PIWIL2: variants seen among roughly 807,000 people sequenced by gnomAD.
PIWIL2 encodes piwi like RNA-mediated gene silencing 2, also known as piwi-like protein 2.
PIWIL2 carries 81 observed loss-of-function variants against 116.5 expected under a neutral mutation model. That is an observed-to-expected ratio of 0.70 (90% CI 0.58 to 0.84). The LOEUF (loss-of-function observed/expected upper bound fraction) is 0.84, where lower values mean the gene tolerates loss of function less well. Ranked by LOEUF, PIWIL2 falls within the 40% of genes least tolerant of loss-of-function variation. The pLI is 0.00. For missense variants in PIWIL2, 1,272 were observed against 1,212.3 expected (o/e 1.05, Z -0.73); for synonymous variants, 489 against 429.5 (o/e 1.14, Z -1.71).
intron 12 of PIWIL2, among the ~76,000 whole-genome samples, 197 bp from the exon 13 acceptor site, chr8:22,305,730 G>A (rs1831160497): frequency 6.6e-6 from 1 of 151,966 alleles, no homozygotes; most frequent in Admixed American, 6.6e-5. Flanking sequence ...TAATACAACA[G>A]GCTGTATGTA....
intron 10 of PIWIL2, among the ~76,000 whole-genome samples, chr8:22,300,773 G>A (rs1375161866): frequency 6.6e-6 from 1 of 152,078 alleles, no homozygotes; most frequent in Non-Finnish European, 1.5e-5. Flanking sequence ...CTTTTCCTGT[G>A]TGTACTTCCC....
intron 16 of PIWIL2, 58 bp downstream of exon 16, chr8:22,311,358 T>C (rs956259132): frequency 5.2e-6 from 7 of 1,349,514 alleles, no homozygotes; most frequent in Non-Finnish European, 7.3e-6. Flanking sequence ...CTTAAATACT[T>C]AATTTTAATG....
intron 6 of PIWIL2, among the ~76,000 whole-genome samples, chr8:22,287,093 AAAG>A (rs1830645223): frequency 6.6e-6 from 1 of 152,026 alleles, no homozygotes; most frequent in Non-Finnish European, 1.5e-5. Flanking sequence ...TCAAAAAAAA[AAAG>A]GGAGATGGGG....
At chr8:22,333,573 T>G (rs1831911688) in intron 20 of PIWIL2, among the ~76,000 whole-genome samples, 1 of 151,950 alleles carries the variant, frequency 6.6e-6, no homozygotes, top group Non-Finnish European at 1.5e-5. Context: ...TATCACGCCA[T>G]TCAACTCCAG....
rs1406835909 is a variant in PIWIL2, at chr8:22,345,525, A to G, written c.2404-7434A>G. On this transcript the variant is annotated intron_variant, in intron 20 of 22. Coordinates refer to ENST00000356766, the MANE Select transcript of PIWIL2 (RefSeq NM_018068.5). ...AAAATACAAAAACAATTAGCTGGGC[A>G]TGGTGGTGTGCACCTGTAATCCCAG... Among the ~76,000 whole-genome samples the G allele has an allele frequency of 1.3e-5, 2 of 152,068 alleles. 1 individual carries two copies. The highest frequency in any genetic ancestry group is 2.9e-5 in the Non-Finnish European group (2 of 67,974).
intron 20 of PIWIL2, among the ~76,000 whole-genome samples, chr8:22,349,998 A>C (rs1251510495): frequency 6.6e-6 from 1 of 152,238 alleles, no homozygotes; most frequent in East Asian, 1.9e-4. Flanking sequence ...TTGTCCTCCC[A>C]GTGGGTGATA....
At chr8:22,307,904 T>A in intron 13 of PIWIL2, 29 bp from the exon 14 acceptor site, 2 of 1,549,752 alleles carry the variant, frequency 1.3e-6, no homozygotes, top group South Asian at 2.3e-5. Context: ...GTTATCTTTA[T>A]AAGTTATCTT....
Position 22,279,502 on chromosome 8 carries a change from T to C in PIWIL2, c.116T>C (p.Leu39Pro). ...PQASKPLDPA[L>P]GRGAPAGRGH... The stretch of plus-strand genomic sequence containing the variant: ...GCTTCTAAACCTTTGGACCCAGCTC[T>C]GGGCAGGGGAGCACCTGCAGGCAGA... The change falls in exon 2 of 23, where the codon CTG (leucine) becomes CCG (proline). Residue 39 changes from leucine to proline, a missense_variant. Leu to Pro is a moderately conservative substitution (Grantham distance 98, BLOSUM62 -3). Coordinates refer to ENST00000356766, the MANE Select transcript of PIWIL2 (RefSeq NM_018068.5). 6.2e-7 allele frequency: 1 copy of C among 1,614,166 alleles called. No homozygotes were observed. The highest frequency in any genetic ancestry group is 8.5e-7 in the Non-Finnish European group (1 of 1,180,006).
At chr8:22,282,809 T>G (rs566368094) in intron 4 of PIWIL2, among the ~76,000 whole-genome samples, 2 of 152,142 alleles carry the variant, frequency 1.3e-5, no homozygotes, top group Admixed American at 1.3e-4. Flanking sequence ...AGGCTGGTCT[T>G]GAACTCCTGG....
rs1435121091 is a variant in PIWIL2, at chr8:22,356,956, C to T, written c.*1451C>T. On this transcript the variant is annotated 3_prime_UTR_variant, in exon 23 of 23. Coordinates refer to ENST00000356766, the MANE Select transcript of PIWIL2 (RefSeq NM_018068.5). ...GTTTTAAAAACCGGTCTTATTTAAG[C>T]TTTTCTAATTTGTATTTATGTACTT... The T allele has an allele frequency of 6.6e-6, 1 of 152,004 alleles. No homozygotes were observed. Among genetic ancestry groups the T allele is most frequent in the Non-Finnish European group, 1.5e-5 (1 of 67,996 alleles). The allele number at this position is 152,004 out of a possible 1,614,324, so 9.4% of individuals were successfully genotyped here.
intron 10 of PIWIL2, among the ~76,000 whole-genome samples, chr8:22,291,927 G>A (rs148711957): frequency 0.011 from 1,657 of 152,260 alleles, 42 homozygotes; most frequent in African/African-American, 0.037. Flanking sequence ...AAGAGCACAC[G>A]GTCAGGGCAA....
chr8:22,334,561 T>G (rs1216374958), intron 20 of PIWIL2, among the ~76,000 whole-genome samples: 1 of 151,584 alleles, frequency 6.6e-6, no homozygotes, highest in African/African-American at 2.4e-5. Context: ...TTGGTAATTT[T>G]GATAGGTACA....
intron 14 of PIWIL2, 131 bp from the exon 15 acceptor site, chr8:22,309,830 G>C (rs1279738140): frequency 1.8e-6 from 1 of 561,796 alleles, no homozygotes; most frequent in African/African-American, 1.9e-5. Context: ...TTATTATTCT[G>C]CTAGTCTCAA....
chr8:22,279,498 G>T lies in PIWIL2; in HGVS notation c.112G>T (p.Ala38Ser). 2 of 1,614,214 alleles carry T rather than the reference G, an allele frequency of 1.2e-6. No homozygotes were observed. Among genetic ancestry groups the T allele is most frequent in the Non-Finnish European group, 1.7e-6 (2 of 1,180,032 alleles). The part of the protein sequence containing the change: ...WPQASKPLDP[A>S]LGRGAPAGRG... ...ACAAGCTTCTAAACCTTTGGACCCA[G>T]CTCTGGGCAGGGGAGCACCTGCAGG... is the stretch of plus-strand genomic sequence containing the variant. The change falls in exon 2 of 23, where the codon GCT (alanine) becomes TCT (serine). Residue 38 changes from alanine (A) to serine (S), a missense_variant. Coordinates refer to ENST00000356766, the MANE Select transcript of PIWIL2 (RefSeq NM_018068.5).
At chr8:22,298,184 A>G (rs1830957350) in intron 10 of PIWIL2, among the ~76,000 whole-genome samples, 1 of 151,986 alleles carries the variant, frequency 6.6e-6, no homozygotes, top group Non-Finnish European at 1.5e-5. Context: ...CTGAGCTGGA[A>G]TGTCAAGGCT....
chr8:22,326,509 CCTT>C (rs1367173804), intron 20 of PIWIL2, among the ~76,000 whole-genome samples: 4 of 152,180 alleles, frequency 2.6e-5, no homozygotes, highest in South Asian at 2.1e-4. Context: ...CTTATTCACA[CCTT>C]CTCCTAATTT....
chr8:22,348,711 C>T (rs1464653232), intron 20 of PIWIL2, among the ~76,000 whole-genome samples: 2 of 152,108 alleles, frequency 1.3e-5, no homozygotes, highest in African/African-American at 4.8e-5. Flanking sequence ...ATCGCTTGAG[C>T]CCAGAAGGTT....
chr8:22,278,488 C>G (rs1447567127), intron 1 of PIWIL2, among the ~76,000 whole-genome samples: 1 of 152,192 alleles, frequency 6.6e-6, no homozygotes, highest in East Asian at 1.9e-4. Flanking sequence ...CCACTGCACT[C>G]CAGCCTGGGC....
intron 20 of PIWIL2, among the ~76,000 whole-genome samples, chr8:22,340,074 A>ATTTTGTT: frequency 7.5e-6 from 1 of 133,636 alleles, no homozygotes; most frequent in African/African-American, 2.8e-5. Flanking sequence ...TTTTTTGAGA[A>ATTTTGTT]GGAGTTTCAC....
Sources: allele counts gnomAD v4.1 joint callset (sites outside exome capture counted in the v4.1 genomes callset), GRCh38; gene constraint gnomAD v4.1.1; transcripts MANE v1.5; gene names NCBI Gene and HGNC (gene_info 2026-07-23, HGNC 2026-07-21).